Variants in TOGARAM2 observed in about 807,000 individuals in gnomAD.
The protein encoded by TOGARAM2 is TOG array regulator of axonemal microtubules protein 2.
TOGARAM2 carries 85 observed loss-of-function variants against 93.3 expected under a neutral mutation model. The observed-to-expected ratio is 0.91, with a 90% CI of 0.76 to 1.09. The LOEUF (loss-of-function observed/expected upper bound fraction) is 1.09, where lower values mean the gene tolerates loss of function less well. TOGARAM2 is among the 50% of genes least tolerant of loss of function. The pLI, the probability that TOGARAM2 is intolerant of heterozygous loss-of-function variation, is 0.00. For missense variants in TOGARAM2, 1,277 were observed against 1,334.5 expected, an observed-to-expected ratio of 0.96 and a Z score of 0.67; for synonymous variants, 593 against 552.8, an observed-to-expected ratio of 1.07 and a Z score of -1.02.
At chr2:28,968,954 T>C (rs1232767383) in intron 1 of TOGARAM2, among the ~76,000 whole-genome samples, 1 of 151,872 alleles carries the variant, frequency 6.6e-6, no homozygotes, top group African/African-American at 2.4e-5. Flanking sequence ...GCTGTCAGTA[T>C]TTCAGAAGCT....
chr2:29,021,828 C>A (rs1172272019), intron 10 of TOGARAM2, among the ~76,000 whole-genome samples: 1 of 152,190 alleles, frequency 6.6e-6, no homozygotes, highest in Admixed American at 6.5e-5. Context: ...ACAGATGGGG[C>A]AGGTTTGGAG....
chr2:29,010,030 TGTG>T (rs1202851539), intron 6 of TOGARAM2, among the ~76,000 whole-genome samples: 85 of 5,882 alleles, frequency 0.014, no homozygotes, highest in African/African-American at 0.027. Flanking sequence ...TCAGAGCAGG[TGTG>T]TGTGTGTGTG....
At chr2:29,029,499 G>A (rs1331159726) in intron 14 of TOGARAM2, among the ~76,000 whole-genome samples, 1 of 152,210 alleles carries the variant, frequency 6.6e-6, no homozygotes, top group Non-Finnish European at 1.5e-5. Context: ...GCTCACGCCT[G>A]TAATCCCAGC....
At chr2:28,967,221 A>C (rs562900492) in intron 1 of TOGARAM2, among the ~76,000 whole-genome samples, 8 of 152,252 alleles carry the variant, frequency 5.3e-5, no homozygotes, top group East Asian at 3.9e-4. Context: ...AATTAAAAAA[A>C]CCCTGCACTT....
intron 10 of TOGARAM2, among the ~76,000 whole-genome samples, chr2:29,020,648 G>C (rs1351608098): frequency 6.6e-6 from 1 of 152,182 alleles, no homozygotes; most frequent in Non-Finnish European, 1.5e-5. Context: ...ATGCCCCTGT[G>C]GGGTGCGGTG....
At chr2:28,990,287 TCTCTCCGAGG>T (rs1321885752) in intron 1 of TOGARAM2, among the ~76,000 whole-genome samples, 1 of 152,182 alleles carries the variant, frequency 6.6e-6, no homozygotes, top group African/African-American at 2.4e-5. Context: ...GTGCTGTAAT[TCTCTCCGAGG>T]CTCCCCTTCC....
At chr2:28,981,697 G>A (rs1376661080) in intron 1 of TOGARAM2, among the ~76,000 whole-genome samples, 159 bp downstream of exon 1, 1 of 152,274 alleles carries the variant, frequency 6.6e-6, no homozygotes, top group African/African-American at 2.4e-5. Context: ...CTTGGAGGCT[G>A]TGTGACCGTG....
chr2:29,011,612 G>C, intron 7 of TOGARAM2, 111 bp downstream of exon 7: 1 of 1,102,200 alleles, frequency 9.1e-7, no homozygotes, highest in Non-Finnish European at 1.3e-6. Context: ...CTTGTGTCTG[G>C]GCCCTTCATT....
At chr2:29,033,128 G>A (rs925793455) in intron 15 of TOGARAM2, 77 bp downstream of exon 15, 13 of 1,219,238 alleles carry the variant, frequency 1.1e-5, no homozygotes, top group African/African-American at 1.0e-4. Flanking sequence ...GCCTTCATGT[G>A]GGTCAGGGGA....
intron 19 of TOGARAM2, chr2:29,045,746 G>T: frequency 3.2e-6 from 1 of 308,128 alleles, no homozygotes; most frequent in Non-Finnish European, 6.1e-6. Context: ...GTACATTGGG[G>T]CATTTCCGAT....
At chr2:28,961,537 T>C (rs1287720769) in intron 1 of TOGARAM2, among the ~76,000 whole-genome samples, 2 of 152,076 alleles carry the variant, frequency 1.3e-5, no homozygotes, top group South Asian at 2.1e-4. Context: ...GATGGGGTTT[T>C]ACCATGTTGG....
chr2:28,998,539 G>GC (rs1337667763), intron 3 of TOGARAM2, among the ~76,000 whole-genome samples: 2 of 152,144 alleles, frequency 1.3e-5, no homozygotes, highest in African/African-American at 2.4e-5. Flanking sequence ...TGGGGAGGGG[G>GC]CCCCTCTCAA....
chr2:29,042,014 T>C (rs941365460), intron 18 of TOGARAM2, among the ~76,000 whole-genome samples: 2 of 152,246 alleles, frequency 1.3e-5, no homozygotes, highest in African/African-American at 4.8e-5. Context: ...CCCCATTTTA[T>C]AGTTGGGTAA....
chr2:29,052,071 C>T lies in TOGARAM2; in HGVS notation c.3038C>T (p.Ser1013Leu). ...CCTGACAGCAAGACAACTGGCAGCT[C>T]ATACCCTTTTCAGCTGGATTAAAGA... ...VAPDSKTTGS[S>L]YPFQLD Residue 1013 changes from serine (S) to leucine (L), a missense_variant, in exon 20 of 20, where the codon TCA (serine) becomes TTA (leucine). Coordinates refer to ENST00000379558, the MANE Select transcript of TOGARAM2 (RefSeq NM_199280.4). The T allele has an allele frequency of 6.3e-7, 1 of 1,588,102 alleles. No homozygotes were observed. The highest frequency in any genetic ancestry group is 8.6e-7 in the Non-Finnish European group (1 of 1,163,510).
intron 2 of TOGARAM2, 101 bp downstream of exon 2, chr2:28,994,963 G>T: frequency 7.1e-7 from 1 of 1,409,708 alleles, no homozygotes. Context: ...TGGGGATAAA[G>T]GGCTGCTGGG....
chr2:28,965,841 A>G (rs1183717177), intron 1 of TOGARAM2, among the ~76,000 whole-genome samples: 1 of 152,074 alleles, frequency 6.6e-6, no homozygotes, highest in Admixed American at 6.6e-5. Flanking sequence ...CATGGTCTAG[A>G]ATGCCTGATT....
chr2:29,019,409 A>T (rs1040092998), intron 10 of TOGARAM2, among the ~76,000 whole-genome samples: 2 of 152,012 alleles, frequency 1.3e-5, no homozygotes, highest in African/African-American at 4.8e-5. Context: ...ACCTCAAGTG[A>T]TTCGCCCACC....
chr2:29,002,219 G>T (rs1178796916), intron 4 of TOGARAM2, among the ~76,000 whole-genome samples: 1 of 152,188 alleles, frequency 6.6e-6, no homozygotes. Flanking sequence ...CCTTGCTCGA[G>T]GTCACATAGC....
chr2:28,969,413 G>A (rs150902839), intron 1 of TOGARAM2, among the ~76,000 whole-genome samples: 2 of 152,300 alleles, frequency 1.3e-5, no homozygotes, highest in Admixed American at 1.3e-4. Flanking sequence ...GTCCCGGGTG[G>A]GCAGCTTTCC....
Sources: gnomAD v4.1 joint callset for allele counts (sites outside exome capture counted in the v4.1 genomes callset) on GRCh38, gnomAD v4.1.1 for gene constraint, MANE v1.5 for transcripts, NCBI Gene and HGNC (gene_info 2026-07-23, HGNC 2026-07-21) for gene names.